Variants in MYO3B observed in about 807,000 individuals in gnomAD.
MYO3B encodes myosin IIIB.
MYO3B carries 156 observed loss-of-function variants against 174.6 expected under a neutral mutation model. The observed-to-expected ratio is 0.89, with a 90% CI of 0.78 to 1.02. MYO3B has a LOEUF of 1.02. MYO3B is among the 50% of genes least tolerant of loss of function. The pLI, the probability that MYO3B is intolerant of heterozygous loss-of-function variation, is 0.00. For missense variants in MYO3B, 1,632 were observed against 1,639.4 expected (o/e 1.00, Z 0.08); for synonymous variants, 563 against 569.1 (o/e 0.99, Z 0.15).
At chr2:170,322,717 T>C (rs1321655955) in intron 7 of MYO3B, among the ~76,000 whole-genome samples, 1 of 152,224 alleles carries the variant, frequency 6.6e-6, no homozygotes, top group Non-Finnish European at 1.5e-5. Context: ...TGGCATTTCA[T>C]ATATCCACCT....
rs1368631011 is a variant in MYO3B at position 170,386,185 on chromosome 2, C to A, written c.1291-4C>A. 6.2e-7 allele frequency: 1 copy of A among 1,612,748 alleles called. No individual in the cohort carries two copies. The highest frequency in any genetic ancestry group is 2.2e-5 in the East Asian group (1 of 44,834). On this transcript the variant is annotated splice_polypyrimidine_tract_variant and splice_region_variant and intron_variant, in intron 12 of 34. Transcript: ENST00000408978. ...TTCACTTGACGCTCCATTTTCTGTG[C>A]CAGTGCATTGTCATCAGCGGAGAGA...
intron 23 of MYO3B, among the ~76,000 whole-genome samples, chr2:170,445,576 G>C (rs2094835298): frequency 6.6e-6 from 1 of 151,914 alleles, no homozygotes; most frequent in African/African-American, 2.4e-5. Context: ...CCCGACCTCA[G>C]GTGATCCGCC....
chr2:170,190,539 G>A (rs561445185), intron 1 of MYO3B, among the ~76,000 whole-genome samples: 20 of 152,186 alleles, frequency 1.3e-4, no homozygotes, highest in African/African-American at 4.6e-4. Context: ...CTATTATACT[G>A]AGGCTGAGCT....
intron 30 of MYO3B, 38 bp downstream of exon 30, chr2:170,519,578 C>G: frequency 6.8e-7 from 1 of 1,466,850 alleles, no homozygotes; most frequent in Non-Finnish European, 9.5e-7. Context: ...GTTGTAAACT[C>G]AGGTGCTCCA....
At position 170,582,011 on chromosome 2, in the gene MYO3B, C is replaced by G. The variant is rs72881885; in HGVS notation, c.3733+38023C>G. On this transcript the variant is annotated intron_variant, in intron 32 of 34. Coordinates refer to ENST00000408978, the MANE Select transcript of MYO3B (RefSeq NM_138995.5). ...ATGTGGGATATACACCAAGATTGGA[C>G]AGGCCAACAGTTGTAAGGCAGTTGT... Among the ~76,000 whole-genome samples the G allele has an allele frequency of 2.9e-3, 443 of 152,252 alleles. 1 individual carries two copies. The highest frequency in any genetic ancestry group is 5.2e-3 in the Non-Finnish European group (351 of 68,024).
intron 32 of MYO3B, among the ~76,000 whole-genome samples, chr2:170,628,133 C>T (rs918705175): frequency 3.9e-4 from 60 of 152,344 alleles, no homozygotes; most frequent in African/African-American, 1.4e-3. Context: ...TGGCTATGAC[C>T]TGCCTCCAGA....
intron 32 of MYO3B, among the ~76,000 whole-genome samples, chr2:170,573,227 GTATATATATA>G (rs34137139): frequency 4.3e-4 from 20 of 46,440 alleles, no homozygotes; most frequent in Admixed American, 8.6e-4. Context: ...TATACTGTGT[GTATATATATA>G]TATATATATA....
intron 22 of MYO3B, among the ~76,000 whole-genome samples, chr2:170,427,397 A>G (rs17579981): frequency 0.19 from 28,869 of 152,208 alleles, 3,243 homozygotes; most frequent in East Asian, 0.55. Context: ...GTCTCCAAAA[A>G]TCAATGCCTG....
chr2:170,507,409 CT>C (rs1246983338), intron 28 of MYO3B, among the ~76,000 whole-genome samples: 1 of 151,298 alleles, frequency 6.6e-6, no homozygotes, highest in Admixed American at 6.6e-5. Flanking sequence ...TTTTCTTTTT[CT>C]TTTTTTTGAG....
rs1559207537 is a variant in MYO3B at position 170,653,049 on chromosome 2, TGAG to T, written c.3958_3960del (p.Glu1320del). 12 of 1,614,208 alleles carry T rather than the reference TGAG, an allele frequency of 7.4e-6. No homozygotes were observed. The highest frequency in any genetic ancestry group is 1.3e-5 in the African/African-American group (1 of 75,064). The stretch of plus-strand genomic sequence containing the variant: ...CTCTGTCACCAGTGGACTGTATCCC[TGAG>T]GAGAACAACTCAGCCCACCCTTCCT... On this transcript the variant is annotated inframe_deletion, in exon 35 of 35. Transcript: ENST00000408978.
intron 8 of MYO3B, among the ~76,000 whole-genome samples, chr2:170,335,840 C>T (rs1048493308): frequency 3.3e-5 from 5 of 152,136 alleles, no homozygotes; most frequent in African/African-American, 1.2e-4. Flanking sequence ...GAAAGTTGGG[C>T]TTCCTCTAGG....
chr2:170,186,337 G>C (rs1413782026), intron 1 of MYO3B, among the ~76,000 whole-genome samples: 1 of 152,098 alleles, frequency 6.6e-6, no homozygotes, highest in Non-Finnish European at 1.5e-5. Flanking sequence ...ATGAAGTGAT[G>C]TTGAGTTTTA....
At chr2:170,214,649 T>C (rs923668661) in intron 4 of MYO3B, 80 bp from the exon 5 acceptor site, 11 of 1,381,726 alleles carry the variant, frequency 8.0e-6, no homozygotes, top group Non-Finnish European at 1.1e-5. Context: ...TTTTCAATAG[T>C]AGGGTAATTG....
intron 7 of MYO3B, among the ~76,000 whole-genome samples, chr2:170,302,204 C>T (rs908136932): frequency 6.6e-5 from 10 of 152,052 alleles, no homozygotes; most frequent in African/African-American, 2.4e-4. Context: ...CAATTGAAGT[C>T]GAAATTCTGT....
At chr2:170,624,669 T>G (rs150188587) in intron 32 of MYO3B, among the ~76,000 whole-genome samples, 4,877 of 152,240 alleles carry the variant, frequency 0.032, 264 homozygotes, top group African/African-American at 0.11. Context: ...TGCTTCCAGT[T>G]TTTGCCCATT....
chr2:170,302,179 C>T (rs542342183), intron 7 of MYO3B, among the ~76,000 whole-genome samples: 1 of 152,144 alleles, frequency 6.6e-6, no homozygotes, highest in East Asian at 1.9e-4. Flanking sequence ...AAAGAGCAGA[C>T]GTAATGAGTA....
At chr2:170,334,614 A>G (rs1335936650) in intron 7 of MYO3B, 3 of 152,140 alleles carry the variant, frequency 2.0e-5, no homozygotes, top group African/African-American at 7.2e-5. Context: ...AAAAAGTCTC[A>G]TCAATTAAAG....
At chr2:170,391,201 C>T (rs75665757) in intron 14 of MYO3B, among the ~76,000 whole-genome samples, 2 of 152,008 alleles carry the variant, frequency 1.3e-5, no homozygotes, top group Admixed American at 6.6e-5. Context: ...GTCTCTGAAG[C>T]AACATGTGGT....
At chr2:170,638,744 C>T in intron 32 of MYO3B, among the ~76,000 whole-genome samples, 1 of 152,242 alleles carries the variant, frequency 6.6e-6, no homozygotes, top group East Asian at 1.9e-4. Context: ...TCAGAATCTT[C>T]AGGCCAGAAC....
Sources: allele counts gnomAD v4.1 joint callset (sites outside exome capture counted in the v4.1 genomes callset), GRCh38; gene constraint gnomAD v4.1.1; transcripts MANE v1.5; gene names NCBI Gene and HGNC (gene_info 2026-07-23, HGNC 2026-07-21).